Variants in DNAH8 observed in about 807,000 individuals in gnomAD.
DNAH8 encodes axonemal beta dynein heavy chain 8.
A neutral mutation model predicts 562.1 loss-of-function variants in DNAH8; 382 were observed. The ratio of observed to expected loss-of-function variants is 0.68; its 90% CI spans 0.63 to 0.74. The LOEUF (loss-of-function observed/expected upper bound fraction) is 0.74. Ranked by LOEUF, DNAH8 falls within the 30% of genes least tolerant of loss-of-function variation. The pLI is 0.00. For synonymous variants in DNAH8, 1,881 were observed against 1,919.4 expected (o/e 0.98, Z 0.52); for missense variants, 5,203 against 5,620.4 (o/e 0.93, Z 2.37).
At chr6:38,740,670 A>C (rs1764452633) in intron 7 of DNAH8, among the ~76,000 whole-genome samples, 3 of 151,812 alleles carry the variant, frequency 2.0e-5, no homozygotes, top group Non-Finnish European at 2.9e-5. Flanking sequence ...GCTGGAGTGC[A>C]GTGGCATGAT....
At chr6:38,991,720 C>G (rs1280321778) in intron 88 of DNAH8, among the ~76,000 whole-genome samples, 2 of 152,178 alleles carry the variant, frequency 1.3e-5, no homozygotes, top group African/African-American at 2.4e-5. Flanking sequence ...AGACAGCTTC[C>G]TGTTACTCAG....
chr6:38,931,593 A>G (rs1208096255), intron 75 of DNAH8, among the ~76,000 whole-genome samples: 2 of 152,162 alleles, frequency 1.3e-5, no homozygotes, highest in African/African-American at 4.8e-5. Context: ...TTTGCTTGGT[A>G]TCATTGCTAA....
rs1358281395 is a variant in DNAH8, at chr6:38,862,284, T to C, written c.6136T>C (p.Tyr2046His). 6.2e-7 allele frequency: 1 copy of C among 1,612,394 alleles called. No individual in the cohort carries two copies. Among genetic ancestry groups the C allele is most frequent in the African/African-American group, 1.3e-5 (1 of 74,966 alleles). The change falls in exon 44 of 93, where the codon TAT becomes CAT. Residue 2046 changes from tyrosine (Y) to histidine (H), a missense_variant. Physicochemically the swap from Tyr to His is moderately conservative, Grantham distance 83. Transcript: ENST00000327475. ...TTATTGGATGAACATTTGCAGATGC[T>C]ATATCACGTTAGCTCAGGCCTTGGG... is the stretch of plus-strand genomic sequence containing the variant. The part of the protein sequence containing the change: ...LVITPLTDRC[Y>H]ITLAQALGMN...
chr6:39,027,869 AT>A (rs568844884), intron 92 of DNAH8, among the ~76,000 whole-genome samples: 153 of 152,292 alleles, frequency 1.0e-3, no homozygotes, highest in African/African-American at 3.5e-3. Context: ...AGTTGTGAAG[AT>A]TTAAATGTGA....
At chr6:38,870,305 C>T in intron 48 of DNAH8, 96 bp from the exon 49 acceptor site, 1 of 1,062,446 alleles carries the variant, frequency 9.4e-7, no homozygotes, top group Non-Finnish European at 1.4e-6. Flanking sequence ...AAATGGTTCT[C>T]TGGGGATGAA....
At chr6:38,767,675 A>G (rs9380770) in intron 11 of DNAH8, among the ~76,000 whole-genome samples, 21 of 152,132 alleles carry the variant, frequency 1.4e-4, no homozygotes, top group Non-Finnish European at 2.8e-4. Flanking sequence ...TGTATAGTCC[A>G]TATATTTTTA....
intron 92 of DNAH8, among the ~76,000 whole-genome samples, chr6:39,026,990 G>A (rs1167194969): frequency 6.6e-6 from 1 of 152,164 alleles, no homozygotes; most frequent in Non-Finnish European, 1.5e-5. Flanking sequence ...GGAGGCTGAG[G>A]CAGGAGGATT....
intron 88 of DNAH8, among the ~76,000 whole-genome samples, chr6:39,006,386 A>G (rs2150760806): frequency 6.6e-6 from 1 of 152,274 alleles, no homozygotes; most frequent in East Asian, 1.9e-4. Flanking sequence ...TTGTATTTTC[A>G]GTCTCCTTTT....
intron 76 of DNAH8, among the ~76,000 whole-genome samples, chr6:38,934,733 A>G (rs1277173768): frequency 6.6e-6 from 1 of 152,190 alleles, no homozygotes; most frequent in Admixed American, 6.5e-5. Flanking sequence ...ATATTGGGCT[A>G]CACTTATGTA....
In DNAH8 at chr6:39,026,569, G is replaced by A. The variant is rs766636793; in HGVS notation, c.13738G>A (p.Glu4580Lys). Residue 4580 changes from glutamate to lysine, a missense_variant, in exon 92 of 93, where the codon GAA becomes AAA. This residue lies in a region of DNAH8 where 1,399 missense variants were observed against 1,518.4 expected (regional missense o/e 0.92). Transcript: ENST00000327475. ...PQGFLTAMRQ[E>K]VTRAHKGWAL... ...AGGCTTCCTCACAGCAATGAGGCAA[G>A]AAGTGACCCGTGCCCACAAAGGCTG... 1 of 1,613,136 alleles carries A rather than the reference G, an allele frequency of 6.2e-7. No individual in the cohort carries two copies. The highest frequency in any genetic ancestry group is 8.5e-7 in the Non-Finnish European group (1 of 1,179,828).
At chr6:38,823,072 T>C in intron 27 of DNAH8, 38 bp downstream of exon 27, 2 of 1,517,310 alleles carry the variant, frequency 1.3e-6, no homozygotes. Context: ...TTGGGTTTTG[T>C]TTGTCTCTAA....
intron 44 of DNAH8, among the ~76,000 whole-genome samples, chr6:38,863,639 A>G (rs998295737): frequency 1.3e-5 from 2 of 152,118 alleles, no homozygotes; most frequent in Non-Finnish European, 2.9e-5. Context: ...ATACCCCCAA[A>G]ATTTGTACTT....
chr6:39,028,877 AAC>A (rs1216700735), intron 92 of DNAH8, among the ~76,000 whole-genome samples: 6 of 152,330 alleles, frequency 3.9e-5, no homozygotes, highest in South Asian at 4.1e-4. Context: ...TGGTTCAAAA[AAC>A]ACAGTCCTCA....
intron 82 of DNAH8, among the ~76,000 whole-genome samples, chr6:38,956,110 C>T (rs1015708154): frequency 6.6e-6 from 1 of 152,210 alleles, no homozygotes; most frequent in Non-Finnish European, 1.5e-5. Flanking sequence ...TTGTCTCCAA[C>T]CACCCTCAGC....
chr6:38,742,993 A>ATATTGTTGT (rs1764638666), intron 8 of DNAH8, among the ~76,000 whole-genome samples: 1 of 133,872 alleles, frequency 7.5e-6, no homozygotes, highest in Non-Finnish European at 1.6e-5. Context: ...TTCCAAAAAA[A>ATATTGTTGT]TGTTGTTGTT....
At chr6:38,988,910 T>C (rs1158528493) in intron 87 of DNAH8, among the ~76,000 whole-genome samples, 3 of 152,222 alleles carry the variant, frequency 2.0e-5, no homozygotes, top group Non-Finnish European at 4.4e-5. Flanking sequence ...CTTGCCTTAG[T>C]GCACTTTGTA....
chr6:38,868,232 T>G, intron 48 of DNAH8, 36 bp downstream of exon 48: 4 of 1,577,514 alleles, frequency 2.5e-6, no homozygotes, highest in Non-Finnish European at 3.4e-6. Context: ...TCCACAATTT[T>G]AATATTGTTT....
chr6:38,846,640 GA>G (rs1316973805), intron 36 of DNAH8, among the ~76,000 whole-genome samples: 8 of 152,180 alleles, frequency 5.3e-5, no homozygotes, highest in Non-Finnish European at 8.8e-5. Context: ...TCTGTGTTCA[GA>G]GAATCCTGGC....
chr6:38,772,971 C>CTTTTTTTTATTTTTTTTTTT (rs1767713783), intron 12 of DNAH8, among the ~76,000 whole-genome samples: 1 of 88,088 alleles, frequency 1.1e-5, no homozygotes. Context: ...GCTAATTAAA[C>CTTTTTTTTATTTTTTTTTTT]TTTTTTTTTT....
Sources: gnomAD v4.1 joint callset for allele counts (sites outside exome capture counted in the v4.1 genomes callset) on GRCh38, gnomAD v4.1.1 for gene constraint, gnomAD v4.1.1 regional missense constraint, MANE v1.5 for transcripts, NCBI Gene and HGNC (gene_info 2026-07-23, HGNC 2026-07-21) for gene names.